Variants in PTPRG observed in about 807,000 individuals in gnomAD.
PTPRG encodes the protein receptor-type tyrosine-protein phosphatase gamma.
Under a neutral mutation model 165.3 loss-of-function variants are expected in PTPRG, and 102 were observed. The observed-to-expected ratio is 0.62, with a 90% CI of 0.53 to 0.73. The LOEUF (loss-of-function observed/expected upper bound fraction) is 0.73, where lower values mean the gene tolerates loss of function less well. Among genes scored for constraint, PTPRG ranks in the 30% least tolerant of loss-of-function variants. The probability of loss-of-function intolerance (pLI) is 0.00; values close to 1 mark genes in which losing one functional copy is unlikely to be tolerated. For synonymous variants in PTPRG, 675 were observed against 669.5 expected (o/e 1.01, Z -0.13); for missense variants, 1,866 against 1,861.4 (o/e 1.00, Z -0.05).
At chr3:61,578,728 A>G (rs1313536168) in intron 1 of PTPRG, among the ~76,000 whole-genome samples, 1 of 152,222 alleles carries the variant, frequency 6.6e-6, no homozygotes, top group East Asian at 1.9e-4. Flanking sequence ...CATTGAGTCC[A>G]TGTGCATCCA....
Position 61,632,018 on chromosome 3 carries a change from T to C in PTPRG, c.85+69646T>C, listed in dbSNP as rs180685003. 9.9e-4 allele frequency among the ~76,000 whole-genome samples: 150 copies of C among 152,266 alleles called. 1 individual carries two copies. Among genetic ancestry groups the C allele is most frequent in the East Asian group, 8.3e-3 (43 of 5,162 alleles). On this transcript the variant is annotated intron_variant, in intron 1 of 29. Coordinates refer to ENST00000474889, the MANE Select transcript of PTPRG (RefSeq NM_002841.4). ...AGGTAAGATTTCGGTCAAAAATCTA[T>C]AGTCAGCTGGGTGCCGTGGCTCACA...
At chr3:62,116,339 G>C (rs1240795677) in intron 5 of PTPRG, among the ~76,000 whole-genome samples, 1 of 152,114 alleles carries the variant, frequency 6.6e-6, no homozygotes, top group African/African-American at 2.4e-5. Context: ...ACCCTACTCT[G>C]ATGTGCTTTA....
chr3:62,210,975 CT>C lies in PTPRG; in HGVS notation c.2155+7026del, dbSNP rs1200254833. ...TCTGACTATTCAGGGATTAGCACCC[CT>C]AATGCCTATGTTGTTGGTGGGTTAA... On this transcript the variant is annotated intron_variant, in intron 12 of 29. Coordinates refer to ENST00000474889, the MANE Select transcript of PTPRG (RefSeq NM_002841.4). This position sits in a 1 kb window ranked among gnomAD's most constrained non-coding sequence, Gnocchi z 4.1. Among the ~76,000 whole-genome samples the C allele has an allele frequency of 6.6e-6, 1 of 152,140 alleles. No individual in the cohort carries two copies. The highest frequency in any genetic ancestry group is 2.4e-5 in the African/African-American group (1 of 41,416).
At chr3:61,965,361 G>A (rs376598870) in intron 2 of PTPRG, among the ~76,000 whole-genome samples, 165 of 151,462 alleles carry the variant, frequency 1.1e-3, no homozygotes, top group Admixed American at 7.6e-3. Context: ...GCTAGTGCAC[G>A]CCTGTAATCC....
At chr3:61,750,010 A>T (rs766740791) in intron 2 of PTPRG, 3 of 152,150 alleles carry the variant, frequency 2.0e-5, no homozygotes, top group Non-Finnish European at 2.9e-5. Flanking sequence ...GGCTTTTTGC[A>T]TCCTTTTGTC....
intron 1 of PTPRG, among the ~76,000 whole-genome samples, chr3:61,738,139 C>T (rs1191609900): frequency 1.3e-5 from 2 of 149,222 alleles, no homozygotes; most frequent in Non-Finnish European, 3.0e-5. Flanking sequence ...ACCTCGTGAT[C>T]CACCCGCCTC....
intron 2 of PTPRG, among the ~76,000 whole-genome samples, chr3:61,787,148 C>T (rs950860445): frequency 6.6e-6 from 1 of 152,034 alleles, no homozygotes; most frequent in African/African-American, 2.4e-5. Flanking sequence ...ATTAATATTT[C>T]GTTGAGTTGA....
chr3:61,776,111 T>A (rs1481453226), intron 2 of PTPRG, among the ~76,000 whole-genome samples: 5 of 149,942 alleles, frequency 3.3e-5, no homozygotes, highest in African/African-American at 1.2e-4. Context: ...GAATTCAAGG[T>A]TCTGGTATAA....
intron 1 of PTPRG, among the ~76,000 whole-genome samples, chr3:61,735,992 C>T (rs1199205965): frequency 6.6e-6 from 1 of 151,304 alleles, no homozygotes; most frequent in Non-Finnish European, 1.5e-5. Context: ...ACTGCAACCT[C>T]CGCCTCCTGG....
At position 62,033,773 on chromosome 3, in the gene PTPRG, ATTC is replaced by A. The variant is rs1331735828; in HGVS notation, c.519+30282_519+30284del. Among the ~76,000 whole-genome samples, 8 of 151,572 alleles carry A rather than the reference ATTC, an allele frequency of 5.3e-5. 1 individual carries two copies. The highest frequency in any genetic ancestry group is 4.2e-4 in the South Asian group (2 of 4,790). ...CAGCAACCCTCATTGTTGACTGATG[ATTC>A]TTCTTTTTTGAGACGGAGTCTCACT... On this transcript the variant is annotated intron_variant, in intron 4 of 29. Transcript: ENST00000474889.
intron 1 of PTPRG, among the ~76,000 whole-genome samples, chr3:61,623,964 A>G (rs959846840): frequency 6.6e-6 from 1 of 152,178 alleles, no homozygotes; most frequent in East Asian, 1.9e-4. Flanking sequence ...GCATATCCAA[A>G]GTTCTGTTAG....
Position 62,144,561 on chromosome 3 carries a change from G to A in PTPRG, c.682+11893G>A, listed in dbSNP as rs1004032484. On this transcript the variant is annotated intron_variant, in intron 6 of 29. Transcript: ENST00000474889. ...TGTGTTTCCAGCATTTAATTACATG[G>A]AACTTTCCTGAAATGTGCTATAAAT... 2.6e-5 allele frequency among the ~76,000 whole-genome samples: 4 copies of A among 152,270 alleles called. No homozygotes were observed. The East Asian group carries it at 7.7e-4, about 29-fold the overall frequency.
In PTPRG at chr3:62,295,762, C is replaced by T. The variant is rs913235056; in HGVS notation, c.*2455C>T. On this transcript the variant is annotated 3_prime_UTR_variant, in exon 30 of 30. Transcript: ENST00000474889. Reference sequence around the variant, plus strand: ...ATCTTGCCAAAGTAGTCCAAACACACTTCAATGAGGACAGTTATATTTAGC... The same window carrying T: ...ATCTTGCCAAAGTAGTCCAAACACATTTCAATGAGGACAGTTATATTTAGC... 2.6e-5 allele frequency: 4 copies of T among 152,052 alleles called. No homozygotes were observed. The highest frequency in any genetic ancestry group is 9.7e-5 in the African/African-American group (4 of 41,408). 9.4% of individuals were successfully genotyped at this position (152,052 alleles called of 1,614,324 possible).
chr3:61,695,392 G>A (rs1190182347), intron 1 of PTPRG, among the ~76,000 whole-genome samples: 1 of 152,172 alleles, frequency 6.6e-6, no homozygotes, highest in East Asian at 1.9e-4. Context: ...GGCTCCTGAT[G>A]TCTTAAGAGC....
rs112986764 is a variant in PTPRG, at chr3:61,956,402, A to G, written c.191-33223A>G. On this transcript the variant is annotated intron_variant, in intron 2 of 29. Transcript: ENST00000474889. ...CTGTCGGCAGCAGAATCATTTCACA[A>G]CCTTCTTCCCAGAACTTTTGGTCAT... 3.1e-4 allele frequency among the ~76,000 whole-genome samples: 45 copies of G among 145,676 alleles called. 1 individual carries two copies. Among genetic ancestry groups the G allele is most frequent in the African/African-American group, 1.1e-3 (43 of 37,786 alleles).
chr3:61,950,507 C>A (rs774611523), intron 2 of PTPRG, among the ~76,000 whole-genome samples: 1 of 152,124 alleles, frequency 6.6e-6, no homozygotes, highest in African/African-American at 2.4e-5. Flanking sequence ...CTTGGTATTT[C>A]TTTCAGACAG....
intron 2 of PTPRG, among the ~76,000 whole-genome samples, chr3:61,781,267 G>C (rs534924174): frequency 6.6e-6 from 1 of 152,290 alleles, no homozygotes; most frequent in African/African-American, 2.4e-5. Context: ...AATTTGCCGA[G>C]TGTTTCACAT....
At chr3:61,562,471 C>CG in intron 1 of PTPRG, 99 bp downstream of exon 1, 1 of 1,166,386 alleles carries the variant, frequency 8.6e-7, no homozygotes, top group Admixed American at 1.8e-5. Context: ...GTCCGGGAGA[C>CG]CCTGGAGAGG....
chr3:61,704,040 G>C (rs1470137397), intron 1 of PTPRG, among the ~76,000 whole-genome samples: 1 of 152,144 alleles, frequency 6.6e-6, no homozygotes, highest in Non-Finnish European at 1.5e-5. Context: ...TCATACTCCA[G>C]CTCTACCCCC....
Sources: allele counts gnomAD v4.1 joint callset (sites outside exome capture counted in the v4.1 genomes callset), GRCh38; gene constraint gnomAD v4.1.1; non-coding constraint Gnocchi (gnomAD v3.1); transcripts MANE v1.5; gene names NCBI Gene and HGNC (gene_info 2026-07-23, HGNC 2026-07-21).